The following NTM variants were observed in gnomAD, a reference collection of about 807,000 sequenced individuals.
NTM encodes IgLON family member 2.
A neutral mutation model predicts 42.1 loss-of-function variants in NTM; 13 were observed. The ratio of observed to expected loss-of-function variants is 0.31; its 90% confidence interval spans 0.20 to 0.49. The LOEUF is 0.49. Ranked by LOEUF, NTM falls within the 20% of genes least tolerant of loss-of-function variation. NTM has a pLI of 0.99. For synonymous variants in NTM, 187 were observed against 179.2 expected, an observed-to-expected ratio of 1.04 and a Z score of -0.35; for missense variants, 373 against 452.8, an observed-to-expected ratio of 0.82 and a Z score of 1.60.
chr11:131,632,322 C>T (rs565670940), intron 1 of NTM, among the ~76,000 whole-genome samples: 16 of 152,220 alleles, frequency 1.1e-4, no homozygotes, highest in African/African-American at 3.4e-4. Flanking sequence ...TCCCTTGTGC[C>T]CGTCTTTTAT....
At chr11:131,729,574 T>C (rs1400366800) in intron 1 of NTM, among the ~76,000 whole-genome samples, 3 of 152,130 alleles carry the variant, frequency 2.0e-5, no homozygotes, top group Non-Finnish European at 2.9e-5. Flanking sequence ...CTGTACCCAT[T>C]AGCAATCACT....
intron 4 of NTM, among the ~76,000 whole-genome samples, chr11:132,239,802 ATTC>A (rs1352508903): frequency 5.3e-5 from 8 of 152,230 alleles, no homozygotes; most frequent in East Asian, 1.9e-4. Flanking sequence ...AACAATAATA[ATTC>A]TTCTTTTCAA....
At chr11:131,382,570 C>A (rs1012338586) in intron 1 of NTM, among the ~76,000 whole-genome samples, 2 of 152,116 alleles carry the variant, frequency 1.3e-5, no homozygotes, top group Admixed American at 1.3e-4. Context: ...CTATGTGGAA[C>A]AAAACTTTGC....
At chr11:131,697,792 G>C (rs2075631688) in intron 1 of NTM, among the ~76,000 whole-genome samples, 1 of 152,110 alleles carries the variant, frequency 6.6e-6, no homozygotes, top group South Asian at 2.1e-4. Flanking sequence ...CCATCCACAG[G>C]AGCCTAAGAA....
At chr11:131,515,481 G>T (rs143115038) in intron 1 of NTM, among the ~76,000 whole-genome samples, 1 of 152,192 alleles carries the variant, frequency 6.6e-6, no homozygotes, top group Middle Eastern at 3.2e-3. Flanking sequence ...AACATGAGCC[G>T]TTACATGTTG....
rs1286903862 is a variant in NTM at position 132,146,918 on chromosome 11, G to A, written c.400+404G>A. 3 of 206,532 alleles carry A rather than the reference G, an allele frequency of 1.5e-5. No individual in the cohort carries two copies. The highest frequency in any genetic ancestry group is 2.4e-5 in the African/African-American group (1 of 42,176). 12.8% of individuals were successfully genotyped at this position (206,532 alleles called of 1,614,324 possible). ...TTTTAATGCACTTTTGGAAGTACAG[G>A]TATGCCATGTCCCCCTCCAGCCTTG... On this transcript the variant is annotated intron_variant, in intron 3 of 8. Coordinates refer to ENST00000683400, the MANE Select transcript of NTM (RefSeq NM_001352005.2). This position sits in a 1 kb window ranked among gnomAD's most constrained non-coding sequence, Gnocchi z 4.5.
intron 1 of NTM, among the ~76,000 whole-genome samples, chr11:131,507,317 C>T (rs1222463499): frequency 6.6e-6 from 1 of 151,574 alleles, no homozygotes; most frequent in East Asian, 2.0e-4. Flanking sequence ...ATAGGGAATC[C>T]TTTCCCCATT....
At chr11:132,260,255 C>A (rs1406259607) in intron 4 of NTM, among the ~76,000 whole-genome samples, 1 of 107,040 alleles carries the variant, frequency 9.3e-6, no homozygotes, top group Non-Finnish European at 1.9e-5. Flanking sequence ...AATCACCCAG[C>A]CTTTTTTTTT....
Position 131,789,557 on chromosome 11 carries a change from AAGAAG to A in NTM, c.83-122005_83-122001del, listed in dbSNP as rs2090304662. ...AGAAGAAGAAGAAGAAAAGAAGAAG[AAGAAG>A]AAGAAGAAGAAGAAGAAGAAGAAGA... On this transcript the variant is annotated intron_variant, in intron 1 of 8. Transcript: ENST00000683400. Among the ~76,000 whole-genome samples, 3 of 19,534 alleles carry A rather than the reference AAGAAG, an allele frequency of 1.5e-4. 1 individual carries two copies. The highest frequency in any genetic ancestry group is 1.2e-3 in the Admixed American group (2 of 1,636). The allele number at this position is 19,534 out of a possible 152,430, so 12.8% of individuals were successfully genotyped here.
At chr11:131,592,647 A>AC (rs2059468474) in intron 1 of NTM, among the ~76,000 whole-genome samples, 1 of 140,688 alleles carries the variant, frequency 7.1e-6, no homozygotes, top group Non-Finnish European at 1.5e-5. Flanking sequence ...ACACACCCCA[A>AC]ACACACACAC....
At chr11:132,142,034 G>C (rs146895226) in intron 2 of NTM, among the ~76,000 whole-genome samples, 5 of 152,296 alleles carry the variant, frequency 3.3e-5, no homozygotes, top group African/African-American at 1.2e-4. Flanking sequence ...AATCCTCAAG[G>C]GAACCTCTGT....
At chr11:131,910,370 CT>C (rs2054543678) in intron 1 of NTM, among the ~76,000 whole-genome samples, 2 of 152,106 alleles carry the variant, frequency 1.3e-5, no homozygotes, top group South Asian at 4.1e-4. Flanking sequence ...GTCTTTTTTC[CT>C]AATTTGGAAG....
intron 2 of NTM, among the ~76,000 whole-genome samples, chr11:131,937,525 G>A (rs911763718): frequency 2.6e-5 from 4 of 152,112 alleles, no homozygotes; most frequent in Admixed American, 1.3e-4. Context: ...GACTGAAGTC[G>A]TATGGACAAT....
At chr11:131,513,473 C>G (rs374369117) in intron 1 of NTM, among the ~76,000 whole-genome samples, 1 of 152,112 alleles carries the variant, frequency 6.6e-6, no homozygotes, top group Non-Finnish European at 1.5e-5. Flanking sequence ...TCAATGTCAG[C>G]TCCTCCCTGA....
rs989890129 is a variant in NTM at position 131,623,029 on chromosome 11, G to A, written c.82+252141G>A. Among the ~76,000 whole-genome samples, 3 of 152,214 alleles carry A rather than the reference G, an allele frequency of 2.0e-5. No individual in the cohort carries two copies. In the South Asian group the frequency reaches 6.2e-4, roughly 31 times the overall value. On this transcript the variant is annotated intron_variant, in intron 1 of 8. Coordinates refer to ENST00000683400, the MANE Select transcript of NTM (RefSeq NM_001352005.2). ...TCTGAAGAAACAACTTATCTCAAAC[G>A]ATCTCAGAAACTCACCTGCTTAGGA...
chr11:132,040,133 A>C (rs2077000601), intron 2 of NTM, among the ~76,000 whole-genome samples: 1 of 152,110 alleles, frequency 6.6e-6, no homozygotes, highest in Non-Finnish European at 1.5e-5. Context: ...TGGGGGTTTC[A>C]CCATGTTGCC....
intron 1 of NTM, among the ~76,000 whole-genome samples, chr11:131,808,934 T>C (rs190950780): frequency 1.3e-5 from 2 of 152,354 alleles, no homozygotes; most frequent in Admixed American, 6.5e-5. Flanking sequence ...CATGTCTCAA[T>C]TTTCTCATCA....
At chr11:132,110,829 G>A (rs1198744634) in intron 2 of NTM, among the ~76,000 whole-genome samples, 4 of 151,774 alleles carry the variant, frequency 2.6e-5, no homozygotes, top group Non-Finnish European at 5.9e-5. Flanking sequence ...GAGCTCAGAT[G>A]TTCGAGACCA....
chr11:131,617,460 T>C (rs2062056548), intron 1 of NTM, among the ~76,000 whole-genome samples: 1 of 152,174 alleles, frequency 6.6e-6, no homozygotes, highest in Admixed American at 6.5e-5. Flanking sequence ...GAGCATCTAC[T>C]GTGTGCCTGG....
Sources: gnomAD v4.1 joint callset for allele counts (sites outside exome capture counted in the v4.1 genomes callset) on GRCh38, gnomAD v4.1.1 for gene constraint, Gnocchi (gnomAD v3.1) non-coding constraint, MANE v1.5 for transcripts, NCBI Gene and HGNC (gene_info 2026-07-23, HGNC 2026-07-21) for gene names.